The following PITPNB variants were observed in gnomAD, a reference collection of about 807,000 sequenced individuals.
PITPNB encodes phosphatidylinositol transfer protein beta, also known as phosphatidylinositol transfer protein beta isoform.
A neutral mutation model predicts 45.9 loss-of-function variants in PITPNB; 16 were observed. The ratio of observed to expected loss-of-function variants is 0.35; its 90% CI spans 0.24 to 0.53. PITPNB has a LOEUF of 0.53. Among genes scored for constraint, PITPNB ranks in the 20% least tolerant of loss-of-function variants. PITPNB has a pLI of 0.93. For missense variants in PITPNB, 188 were observed against 330.5 expected (o/e 0.57, Z 3.34); for synonymous variants, 112 against 108.9 (o/e 1.03, Z -0.18).
rs71194746 is a variant in PITPNB, at chr22:27,885,212, TAAAAAAAAAAAAAAAAA to T, written c.456+9326_456+9342del. On this transcript the variant is annotated intron_variant, in intron 7 of 11. Transcript: ENST00000335272. ...AAAGAGCCAGATTCAAATTTATACCTAAAAAAAAAAAAAAAAAAAAAAAAAAAAAAAAAAAAAAAAGC... is the reference window on the plus strand; with the variant it reads ...AAAGAGCCAGATTCAAATTTATACCTAAAAAAAAAAAAAAAAAAAAAAAGC... Among the ~76,000 whole-genome samples, 78 of 30,234 alleles carry T rather than the reference TAAAAAAAAAAAAAAAAA, an allele frequency of 2.6e-3. 1 individual carries two copies. The highest frequency in any genetic ancestry group is 5.7e-3 in the South Asian group (4 of 702). The allele number at this position is 30,234 out of a possible 152,430, so 19.8% of individuals were successfully genotyped here.
At chr22:27,880,468 C>T (rs756784869) in intron 7 of PITPNB, among the ~76,000 whole-genome samples, 11 of 152,116 alleles carry the variant, frequency 7.2e-5, no homozygotes, top group Non-Finnish European at 1.5e-4. Flanking sequence ...TATCCCCCAC[C>T]CAAGGAACTA....
chr22:27,910,149 A>C (rs907688587), intron 3 of PITPNB, among the ~76,000 whole-genome samples: 2 of 151,958 alleles, frequency 1.3e-5, no homozygotes, highest in Admixed American at 1.3e-4. Flanking sequence ...ACAGGGTTTC[A>C]CCATGCTGAC....
chr22:27,877,237 T>G (rs1934845214), intron 7 of PITPNB, among the ~76,000 whole-genome samples: 1 of 152,256 alleles, frequency 6.6e-6, no homozygotes, highest in Admixed American at 6.5e-5. Context: ...AATAAGGGCT[T>G]AGTAAAACCA....
chr22:27,859,957 G>A (rs763656783), intron 9 of PITPNB, among the ~76,000 whole-genome samples, 174 bp downstream of exon 9: 12 of 152,184 alleles, frequency 7.9e-5, no homozygotes, highest in Middle Eastern at 3.2e-3. Context: ...AACCTCTGCT[G>A]CCATCTGTCT....
intron 8 of PITPNB, chr22:27,860,717 T>C (rs1224425899): frequency 6.5e-6 from 1 of 153,174 alleles, no homozygotes; most frequent in Non-Finnish European, 1.5e-5. Flanking sequence ...AGAAGGGAGA[T>C]ATGAAAAGTG....
intron 7 of PITPNB, 36 bp from the exon 8 acceptor site, chr22:27,873,851 A>C: frequency 7.2e-7 from 1 of 1,381,038 alleles, no homozygotes; most frequent in Non-Finnish European, 1.0e-6. Context: ...CAGAGAAGAA[A>C]ACCAGAGAAT....
At chr22:27,855,049 A>G (rs1166421613) in intron 10 of PITPNB, 110 bp from the exon 11 acceptor site, 3 of 721,350 alleles carry the variant, frequency 4.2e-6, no homozygotes, top group African/African-American at 3.5e-5. Flanking sequence ...GTTCATAACC[A>G]TATCCACATT....
intron 8 of PITPNB, among the ~76,000 whole-genome samples, chr22:27,862,573 T>C (rs1309111128): frequency 6.6e-6 from 1 of 152,188 alleles, no homozygotes; most frequent in Admixed American, 6.5e-5. Flanking sequence ...ACAAAATATC[T>C]TGGCTAGCTT....
intron 10 of PITPNB, among the ~76,000 whole-genome samples, chr22:27,857,973 A>C (rs1934219811): frequency 6.6e-6 from 1 of 152,144 alleles, no homozygotes; most frequent in Non-Finnish European, 1.5e-5. Context: ...TTTTCTACAA[A>C]AAAAGCGAAC....
In PITPNB at chr22:27,911,059, A is replaced by C. The variant is rs1935906385; in HGVS notation, c.102T>G (p.Thr34=). 1 of 1,611,252 alleles carries C rather than the reference A, an allele frequency of 6.2e-7. No individual in the cohort carries two copies. Among genetic ancestry groups the C allele is most frequent in the South Asian group, 1.1e-5 (1 of 91,038 alleles). Residue 34 remains threonine, a synonymous_variant, in exon 3 of 12, where the codon ACT becomes ACG. Coordinates refer to ENST00000335272, the MANE Select transcript of PITPNB (RefSeq NM_012399.5). ...AGACTTCAATTCCTTCTCCACCACC[A>C]GTCTCATTCTTACTAGCTTCTGCAA... ...YSVAEASKNE[T]GGGEGIEVLK... is the part of the protein sequence containing the mutation.
intron 7 of PITPNB, among the ~76,000 whole-genome samples, chr22:27,888,891 G>A (rs553654374): frequency 1.3e-5 from 2 of 152,332 alleles, no homozygotes; most frequent in Admixed American, 1.3e-4. Flanking sequence ...GTGGCAGCTC[G>A]AAGAGTGACT....
At position 27,911,076 on chromosome 22, in the gene PITPNB, C is replaced by CTTAG. The variant is rs1935906720; in HGVS notation, c.84_85insCTAA (p.Ala29LeufsTer3). 6.2e-7 allele frequency: 1 copy of CTTAG among 1,612,812 alleles called. No individual in the cohort carries two copies. Among genetic ancestry groups the CTTAG allele is most frequent in the Non-Finnish European group, 8.5e-7 (1 of 1,178,900 alleles). Reference sequence around the variant, plus strand: ...CCACCACCAGTCTCATTCTTACTAGCTTCTGCAACAGAGTAAAGCTGCCCA... The same window carrying CTTAG: ...CCACCACCAGTCTCATTCTTACTAGCTTAGTTCTGCAACAGAGTAAAGCTGCCCA... On this transcript the variant is annotated frameshift_variant, in exon 3 of 12. Transcript: ENST00000335272. LOFTEE classifies it high-confidence loss of function.
At chr22:27,915,381 T>C (rs1338220650) in intron 1 of PITPNB, among the ~76,000 whole-genome samples, 1 of 152,168 alleles carries the variant, frequency 6.6e-6, no homozygotes, top group Non-Finnish European at 1.5e-5. Flanking sequence ...AGTGACAATC[T>C]TTTTGGCCTA....
intron 7 of PITPNB, among the ~76,000 whole-genome samples, chr22:27,875,327 G>A (rs1038559744): frequency 4.6e-5 from 7 of 152,242 alleles, no homozygotes; most frequent in African/African-American, 1.7e-4. Flanking sequence ...ACCCAGGAAC[G>A]ACAAACTGGG....
intron 7 of PITPNB, among the ~76,000 whole-genome samples, chr22:27,876,476 T>C (rs1934822805): frequency 6.6e-6 from 1 of 152,212 alleles, no homozygotes; most frequent in South Asian, 2.1e-4. Context: ...ATGAGAATAA[T>C]GAATCTTGTC....
chr22:27,905,800 G>A (rs1016990109), intron 3 of PITPNB, among the ~76,000 whole-genome samples: 8 of 152,208 alleles, frequency 5.3e-5, no homozygotes, highest in Non-Finnish European at 8.8e-5. Context: ...AGAAGGGTGA[G>A]CAAATAAACT....
chr22:27,875,924 A>G (rs986855890), intron 7 of PITPNB, among the ~76,000 whole-genome samples: 1 of 152,240 alleles, frequency 6.6e-6, no homozygotes, highest in African/African-American at 2.4e-5. Context: ...GGAGACAATT[A>G]CTGTCAGAAT....
chr22:27,858,702 A>AT (rs1473964574), intron 9 of PITPNB, among the ~76,000 whole-genome samples, 193 bp from the exon 10 acceptor site: 16 of 152,128 alleles, frequency 1.1e-4, no homozygotes, highest in Admixed American at 1.0e-3. Flanking sequence ...ACAAAAAAAA[A>AT]CTTTCCCTGT....
chr22:27,896,380 G>A (rs1935431608), intron 6 of PITPNB, among the ~76,000 whole-genome samples, 172 bp downstream of exon 6: 1 of 152,184 alleles, frequency 6.6e-6, no homozygotes, highest in Non-Finnish European at 1.5e-5. Flanking sequence ...CAAGCGGACT[G>A]ATAGGGAAAG....
Sources: gnomAD v4.1 joint callset for allele counts (sites outside exome capture counted in the v4.1 genomes callset) on GRCh38, gnomAD v4.1.1 for gene constraint, MANE v1.5 for transcripts, NCBI Gene and HGNC (gene_info 2026-07-23, HGNC 2026-07-21) for gene names.